ERC1: variants seen among roughly 807,000 people sequenced by gnomAD.
ERC1 encodes RAB6 interacting protein 2.
In ERC1, 56 loss-of-function variants were observed where a neutral mutation model predicts 132.0. That is an observed-to-expected ratio of 0.42 (90% confidence interval 0.34 to 0.53). The LOEUF (loss-of-function observed/expected upper bound fraction) is 0.53, where lower values mean the gene tolerates loss of function less well. Ranked by LOEUF, ERC1 falls within the 20% of genes least tolerant of loss-of-function variation. The pLI is 0.03. For missense variants in ERC1, 1,202 were observed against 1,349.9 expected (o/e 0.89, Z 1.72); for synonymous variants, 478 against 476.1 (o/e 1.00, Z -0.05).
chr12:1,394,030 A>AC (rs2090246944), intron 16 of ERC1, among the ~76,000 whole-genome samples: 1 of 119,724 alleles, frequency 8.4e-6, no homozygotes, highest in African/African-American at 3.5e-5. Flanking sequence ...AAAAAAAAAA[A>AC]AAACAAAAAA....
chr12:1,351,092 G>T (rs2084952095), intron 15 of ERC1, among the ~76,000 whole-genome samples: 2 of 152,134 alleles, frequency 1.3e-5, no homozygotes, highest in Non-Finnish European at 2.9e-5. Context: ...ATCATACTGG[G>T]AATCAAATTT....
chr12:1,208,458 C>T (rs1270404998), intron 12 of ERC1, among the ~76,000 whole-genome samples: 1 of 152,182 alleles, frequency 6.6e-6, no homozygotes, highest in African/African-American at 2.4e-5. Flanking sequence ...AAAGATTAGA[C>T]ACCCCTGCTC....
chr12:1,095,045 A>G (rs1233464873), intron 3 of ERC1, among the ~76,000 whole-genome samples: 4 of 152,184 alleles, frequency 2.6e-5, no homozygotes, highest in Non-Finnish European at 5.9e-5. Context: ...CCTAAGTTTT[A>G]CTTTTTAGTC....
At chr12:1,467,663 A>C (rs1474358238) in intron 18 of ERC1, among the ~76,000 whole-genome samples, 1 of 152,208 alleles carries the variant, frequency 6.6e-6, no homozygotes, top group Admixed American at 6.5e-5. Context: ...TTTATTGTGC[A>C]CTTTATTTCT....
At chr12:1,234,841 A>G (rs1169778617) in intron 12 of ERC1, among the ~76,000 whole-genome samples, 4 of 152,332 alleles carry the variant, frequency 2.6e-5, no homozygotes, top group African/African-American at 9.6e-5. Context: ...TTCATTATAA[A>G]TACATGTAAA....
intron 18 of ERC1, among the ~76,000 whole-genome samples, chr12:1,452,119 T>C (rs2093437315): frequency 6.6e-6 from 1 of 152,236 alleles, no homozygotes; most frequent in African/African-American, 2.4e-5. Context: ...GGTATTTTGT[T>C]ATGGCAGCCC....
At chr12:1,196,316 A>G (rs1436836702) in intron 12 of ERC1, among the ~76,000 whole-genome samples, 1 of 152,134 alleles carries the variant, frequency 6.6e-6, no homozygotes, top group Non-Finnish European at 1.5e-5. Flanking sequence ...AGGAATACAT[A>G]TAGCAGATTT....
chr12:1,065,207 G>A (rs1938872402), intron 2 of ERC1, among the ~76,000 whole-genome samples: 1 of 151,952 alleles, frequency 6.6e-6, no homozygotes, highest in Non-Finnish European at 1.5e-5. Flanking sequence ...CACCATGATG[G>A]CCAGGCTGGT....
At chr12:1,299,102 T>A (rs553410109) in intron 15 of ERC1, among the ~76,000 whole-genome samples, 1 of 152,178 alleles carries the variant, frequency 6.6e-6, no homozygotes, top group African/African-American at 2.4e-5. Context: ...CCTCTATTCC[T>A]TAGAAACTGA....
rs758036655 is a variant in ERC1 at position 1,444,647 on chromosome 12, G to A, written c.3110G>A (p.Arg1037Gln). The A allele has an allele frequency of 2.4e-5, 38 of 1,613,884 alleles. No individual in the cohort carries two copies. Among genetic ancestry groups the A allele is most frequent in the Middle Eastern group, 1.6e-4 (1 of 6,084 alleles). ...CACCTGACAACCCTCTGCCATGACC[G>A]AGACCCCCTGATCCTCCGTGGACTC... ...IGHLTTLCHD[R>Q]DPLILRGLTP... The change falls in exon 18 of 19, where the codon CGA becomes CAA. Residue 1037 changes from arginine (R) to glutamine (Q), a missense_variant. Arg to Gln is a conservative substitution (Grantham distance 43). Coordinates refer to ENST00000360905, the MANE Select transcript of ERC1 (RefSeq NM_178040.4).
At chr12:1,367,247 T>C (rs527351654) in intron 15 of ERC1, among the ~76,000 whole-genome samples, 11 of 152,328 alleles carry the variant, frequency 7.2e-5, no homozygotes, top group South Asian at 4.1e-4. Flanking sequence ...TATCTTAAAA[T>C]TAGAGTAAAT....
chr12:998,770 C>T (rs1961489304), intron 1 of ERC1, among the ~76,000 whole-genome samples: 1 of 151,760 alleles, frequency 6.6e-6, no homozygotes, highest in African/African-American at 2.4e-5. Flanking sequence ...CCCCTCCTTC[C>T]TTTGTAAAGC....
chr12:1,005,581 G>C (rs1018281693), intron 1 of ERC1, among the ~76,000 whole-genome samples: 3 of 152,096 alleles, frequency 2.0e-5, no homozygotes, highest in Non-Finnish European at 4.4e-5. Flanking sequence ...TTTTTCTGGT[G>C]GTTACTGTAG....
chr12:1,474,024 G>C (rs986547514), intron 18 of ERC1, among the ~76,000 whole-genome samples: 1 of 152,158 alleles, frequency 6.6e-6, no homozygotes, highest in Admixed American at 6.5e-5. Context: ...ATTTATTCCA[G>C]TTGTGTGAAA....
chr12:1,135,753 C>T (rs1949185559), intron 7 of ERC1, among the ~76,000 whole-genome samples: 2 of 152,194 alleles, frequency 1.3e-5, no homozygotes, highest in African/African-American at 4.8e-5. Context: ...AAGGCTCTTT[C>T]TCAGAGCCCT....
chr12:1,405,122 A>G (rs1156458999), intron 16 of ERC1, among the ~76,000 whole-genome samples: 1 of 150,122 alleles, frequency 6.7e-6, no homozygotes, highest in Non-Finnish European at 1.5e-5. Context: ...CCTGGGCAAG[A>G]GAACGAGACT....
At chr12:1,372,001 G>A in intron 16 of ERC1, 24 bp downstream of exon 16, 5 of 1,610,786 alleles carry the variant, frequency 3.1e-6, no homozygotes, top group Non-Finnish European at 4.2e-6. Context: ...CCAGCAGGAG[G>A]GTCAGTGGGG....
intron 2 of ERC1, among the ~76,000 whole-genome samples, chr12:1,056,698 CAAAG>C (rs1416220676): frequency 6.6e-6 from 1 of 152,026 alleles, no homozygotes; most frequent in Non-Finnish European, 1.5e-5. Context: ...CATGTGGTGA[CAAAG>C]AAAAGGGAAG....
At chr12:1,356,041 A>G (rs571822675) in intron 15 of ERC1, among the ~76,000 whole-genome samples, 282 of 152,176 alleles carry the variant, frequency 1.9e-3, no homozygotes, top group African/African-American at 6.4e-3. Flanking sequence ...CCCTGTCTCT[A>G]CACACACAAA....
Sources: gnomAD v4.1 joint callset for allele counts (sites outside exome capture counted in the v4.1 genomes callset) on GRCh38, gnomAD v4.1.1 for gene constraint, MANE v1.5 for transcripts, NCBI Gene and HGNC (gene_info 2026-07-23, HGNC 2026-07-21) for gene names.